OTOF: variants seen among roughly 807,000 people sequenced by gnomAD.
OTOF encodes fer-1-like family member 2.
In OTOF, 218 loss-of-function variants were observed where a neutral mutation model predicts 236.8. The observed-to-expected ratio is 0.92, with a 90% CI of 0.82 to 1.03. OTOF has a LOEUF of 1.03. OTOF is among the 50% of genes least tolerant of loss of function. OTOF has a pLI of 0.00. For missense variants in OTOF, 2,590 were observed against 2,694.4 expected (o/e 0.96, Z 0.86); for synonymous variants, 1,041 against 1,072.5 (o/e 0.97, Z 0.57).
rs1281213895 is a variant in OTOF at position 26,474,654 on chromosome 2, G to A, written c.3147C>T (p.Gly1049=). 6.2e-7 allele frequency: 1 copy of A among 1,613,214 alleles called. No homozygotes were observed. Among genetic ancestry groups the A allele is most frequent in the Admixed American group, 1.7e-5 (1 of 60,000 alleles). ...TCACCAGGGGTTTGGCGAAGGTCCG[G>A]CCCATGAAGTCAGCTTTGCCCTGAC... ...QDSMGKADFM[G]RTFAKPLVKM... The change falls in exon 26 of 47, where the codon GGC becomes GGT. Residue 1049 remains glycine (G), a synonymous_variant. Coordinates refer to ENST00000272371, the MANE Select transcript of OTOF (RefSeq NM_194248.3).
Position 26,478,108 on chromosome 2 carries a change from C to T in OTOF, c.2215-359G>A, listed in dbSNP as rs766929320. On this transcript the variant is annotated intron_variant, in intron 18 of 46. Transcript: ENST00000272371. Reference sequence around the variant, plus strand: ...AGGACTGGATGTGCCAAGATCCTGACGTCACTCCAGAATGCTGGAGCCTGT... The same window carrying T: ...AGGACTGGATGTGCCAAGATCCTGATGTCACTCCAGAATGCTGGAGCCTGT... 1.4e-4 allele frequency: 172 copies of T among 1,258,128 alleles called. 1 individual carries two copies. The highest frequency in any genetic ancestry group is 2.7e-4 in the African/African-American group (18 of 65,964). 77.9% of individuals were successfully genotyped at this position (1,258,128 alleles called of 1,614,324 possible). A position where few individuals can be genotyped will look rare whatever the true frequency, so the allele number is the denominator to read the frequency against.
At position 26,477,447 on chromosome 2, in the gene OTOF, C is replaced by A. The variant is rs144800506; in HGVS notation, c.2375G>T (p.Arg792Leu). ...CCTCATGCAGGACTTGAGGCGCTCC[C>A]GGTCAAGCCTGGTGCGGGATGAGTG... ...QGHSSRTRLD[R>L]ERLKSCMREL... Residue 792 changes from arginine to leucine, a missense_variant, in exon 20 of 47, where the codon CGG becomes CTG. Arg to Leu is a moderately radical substitution (Grantham distance 102, BLOSUM62 -2). This residue lies in a region of OTOF where 1,379 missense variants were observed against 1,341.6 expected (regional missense o/e 1.03). Coordinates refer to ENST00000272371, the MANE Select transcript of OTOF (RefSeq NM_194248.3). The surrounding 1 kb of genome is among the most constrained non-coding windows in gnomAD (Gnocchi z 4.7). 2 of 1,600,000 alleles carry A rather than the reference C, an allele frequency of 1.3e-6. No individual in the cohort carries two copies. The highest frequency in any genetic ancestry group is 2.3e-5 in the East Asian group (1 of 44,354).
At chr2:26,463,901 T>A (rs1664600160) in intron 40 of OTOF, 63 bp downstream of exon 40, 2 of 1,604,652 alleles carry the variant, frequency 1.2e-6, no homozygotes, top group Non-Finnish European at 1.7e-6. Flanking sequence ...CTTTACTGAC[T>A]CAGGTTGGGG....
intron 39 of OTOF, 137 bp from the exon 40 acceptor site, chr2:26,464,243 A>G: frequency 1.8e-6 from 2 of 1,109,052 alleles, no homozygotes; most frequent in East Asian, 2.5e-5. Flanking sequence ...CTGTTGGGGA[A>G]ACTGAGGCAC....
At chr2:26,536,912 C>CGCAGGCTG (rs1667085077) in intron 2 of OTOF, among the ~76,000 whole-genome samples, 2 of 152,128 alleles carry the variant, frequency 1.3e-5, no homozygotes, top group African/African-American at 4.8e-5. Flanking sequence ...CGGAGGAGGC[C>CGCAGGCTG]GCAGGCTGCT....
At chr2:26,459,874 G>A in intron 46 of OTOF, 134 bp downstream of exon 46, 3 of 859,612 alleles carry the variant, frequency 3.5e-6, no homozygotes, top group South Asian at 3.2e-5. Context: ...TGGCACATGT[G>A]TGCATACATG....
intron 5 of OTOF, among the ~76,000 whole-genome samples, chr2:26,508,180 A>G (rs1459987483): frequency 6.6e-6 from 1 of 152,170 alleles, no homozygotes; most frequent in Non-Finnish European, 1.5e-5. Context: ...GCCTCAGGTA[A>G]TCAATCAGGA....
At position 26,533,798 on chromosome 2, in the gene OTOF, G is replaced by A. The variant is rs534983086; in HGVS notation, c.138+3918C>T. On this transcript the variant is annotated intron_variant, in intron 2 of 46. Transcript: ENST00000272371. ...CACTGTTTTTTTCATTCTTTCACTC[G>A]GCAACATTTTCTCAACTCCATGCTG... 1.1e-3 allele frequency among the ~76,000 whole-genome samples: 170 copies of A among 152,080 alleles called. 2 individuals are homozygous for A. The highest frequency in any genetic ancestry group is 7.8e-4 in the East Asian group (4 of 5,154).
intron 2 of OTOF, among the ~76,000 whole-genome samples, chr2:26,531,049 G>T (rs915297202): frequency 1.3e-5 from 2 of 152,172 alleles, no homozygotes; most frequent in African/African-American, 4.8e-5. Context: ...ACTTTTCAGT[G>T]GCTCCTCTAC....
At position 26,477,863 on chromosome 2, in the gene OTOF, C is replaced by T. The variant is rs553438000; in HGVS notation, c.2215-114G>A. 148 of 1,555,408 alleles carry T rather than the reference C, an allele frequency of 9.5e-5. 1 individual carries two copies. The South Asian group carries it at 1.1e-3, about 12-fold the overall frequency. On this transcript the variant is annotated intron_variant, in intron 18 of 46. Transcript: ENST00000272371. The surrounding 1 kb of genome is among the most constrained non-coding windows in gnomAD (Gnocchi z 4.7). ...AGGGACCTCATGATCTGGGAGCTCT[C>T]GCTAGGGCCATCCTGAGTATCGGTC...
At position 26,537,754 on chromosome 2, in the gene OTOF, C is replaced by G. The variant is rs397517933; in HGVS notation, c.100G>C (p.Val34Leu). ...GCCACATCCTCACAGTTCTCCAGGA[C>G]CCGAGAGTAGAAGGATTGCCCTGTG... The part of the protein sequence containing the change: ...TFRGQSFYSR[V>L]LENCEDVADF... Residue 34 changes from valine to leucine, a missense_variant, in exon 2 of 47, where the codon GTC becomes CTC. Physicochemically the swap from Val to Leu is conservative, Grantham distance 32 (BLOSUM62 1). Coordinates refer to ENST00000272371, the MANE Select transcript of OTOF (RefSeq NM_194248.3). 6.4e-7 allele frequency: 1 copy of G among 1,554,822 alleles called. No individual in the cohort carries two copies. The highest frequency in any genetic ancestry group is 1.9e-5 in the Admixed American group (1 of 51,746).
intron 39 of OTOF, 44 bp from the exon 40 acceptor site, chr2:26,464,150 C>T (rs1359802371): frequency 6.2e-7 from 1 of 1,610,202 alleles, no homozygotes; most frequent in Non-Finnish European, 8.5e-7. Flanking sequence ...CTCAGCAGAA[C>T]CAGAAGACCT....
Position 26,473,571 on chromosome 2 carries a change from G to A in OTOF, c.3409-4C>T. Reference sequence around the variant, plus strand: ...CCCGTAGGCCCCAGAACAGCACCTGGGAGAGGTTGGAGGGTGGGTGCAGAG... The same window carrying A: ...CCCGTAGGCCCCAGAACAGCACCTGAGAGAGGTTGGAGGGTGGGTGCAGAG... On this transcript the variant is annotated splice_polypyrimidine_tract_variant and splice_region_variant and intron_variant, in intron 27 of 46. Transcript: ENST00000272371. This position sits in a 1 kb window ranked among gnomAD's most constrained non-coding sequence, Gnocchi z 7.2. 6.3e-7 allele frequency: 1 copy of A among 1,599,660 alleles called. No individual in the cohort carries two copies. The highest frequency in any genetic ancestry group is 8.5e-7 in the Non-Finnish European group (1 of 1,175,566).
At chr2:26,524,793 G>A (rs1021571544) in intron 3 of OTOF, among the ~76,000 whole-genome samples, 12 of 152,304 alleles carry the variant, frequency 7.9e-5, no homozygotes, top group African/African-American at 2.6e-4. Context: ...TTCTAGCCCT[G>A]GCTCTACCAT....
Position 26,482,341 on chromosome 2 carries a change from C to T in OTOF, c.1579+65G>A, listed in dbSNP as rs1572437762. Reference sequence around the variant, plus strand: ...ACGGTGGTGTGAAGAGAGGGCATCTCACATATTCCTTCCCTTCAGGCCACT... The same window carrying T: ...ACGGTGGTGTGAAGAGAGGGCATCTTACATATTCCTTCCCTTCAGGCCACT... On this transcript the variant is annotated intron_variant, in intron 14 of 46. Transcript: ENST00000272371. 6 of 1,457,832 alleles carry T rather than the reference C, an allele frequency of 4.1e-6. No homozygotes were observed. In the Admixed American group the frequency reaches 6.7e-5, roughly 16 times the overall value. The allele number at this position is 1,457,832 out of a possible 1,614,324, so 90.3% of individuals were successfully genotyped here. A position where few individuals can be genotyped will look rare whatever the true frequency, so the allele number is the denominator to read the frequency against.
intron 12 of OTOF, 35 bp from the exon 13 acceptor site, chr2:26,483,683 G>C (rs774292587): frequency 3.0e-5 from 48 of 1,597,940 alleles, no homozygotes; most frequent in Non-Finnish European, 3.7e-5. Context: ...ATGGTCACCA[G>C]GTCCAGGTCC....
intron 1 of OTOF, among the ~76,000 whole-genome samples, chr2:26,546,720 T>A (rs1450659216): frequency 6.6e-6 from 1 of 151,474 alleles, no homozygotes; most frequent in Non-Finnish European, 1.5e-5. Context: ...CTTCAGTCCA[T>A]AAACATAATC....
intron 1 of OTOF, among the ~76,000 whole-genome samples, chr2:26,554,711 T>G (rs1667544713): frequency 6.7e-6 from 1 of 149,552 alleles, no homozygotes; most frequent in African/African-American, 2.5e-5. Context: ...TGTAAAAGGG[T>G]GTGGTATCTT....
chr2:26,467,344 G>T (rs199625898), intron 34 of OTOF, 21 bp downstream of exon 34: 24 of 1,613,514 alleles, frequency 1.5e-5, no homozygotes, highest in Non-Finnish European at 1.7e-6. Context: ...ACCCTAGAAG[G>T]GTCTGCTCCT....
Sources: allele counts gnomAD v4.1 joint callset (sites outside exome capture counted in the v4.1 genomes callset), GRCh38; gene constraint gnomAD v4.1.1; regional missense constraint gnomAD v4.1.1; non-coding constraint Gnocchi (gnomAD v3.1); transcripts MANE v1.5; gene names NCBI Gene and HGNC (gene_info 2026-07-23, HGNC 2026-07-21).